The following TNNI3K variants were observed in gnomAD, a reference collection of about 807,000 sequenced individuals.
The protein encoded by TNNI3K is TNNI3 interacting kinase.
In TNNI3K, 140 loss-of-function variants were observed where a neutral mutation model predicts 114.5. That is an observed-to-expected ratio of 1.22 (90% confidence interval 1.07 to 1.41). TNNI3K has a LOEUF of 1.41. TNNI3K is among the 40% of genes most tolerant of loss of function. The pLI, the probability that TNNI3K is intolerant of heterozygous loss-of-function variation, is 0.00. For missense variants in TNNI3K, 1,125 were observed against 1,007.6 expected (o/e 1.12, Z -1.58); for synonymous variants, 347 against 347.5 (o/e 1.00, Z 0.02).
At chr1:74,316,914 T>C (rs972444600) in intron 5 of TNNI3K, among the ~76,000 whole-genome samples, 2 of 151,740 alleles carry the variant, frequency 1.3e-5, no homozygotes, top group Admixed American at 1.3e-4. Flanking sequence ...ATAGCCGGAA[T>C]TGTCTCGATC....
intron 5 of TNNI3K, among the ~76,000 whole-genome samples, chr1:74,298,911 G>A (rs1658153583): frequency 6.6e-6 from 1 of 152,006 alleles, no homozygotes; most frequent in Non-Finnish European, 1.5e-5. Flanking sequence ...GATACCAGTT[G>A]GCAGATTTAT....
At chr1:74,432,155 A>AT (rs769357192) in intron 17 of TNNI3K, among the ~76,000 whole-genome samples, 34 of 152,050 alleles carry the variant, frequency 2.2e-4, no homozygotes, top group Non-Finnish European at 7.4e-5. Flanking sequence ...TAAGTTAACC[A>AT]TTTTCCTTGA....
chr1:74,355,183 TA>T (rs1661586700), intron 11 of TNNI3K, among the ~76,000 whole-genome samples: 1 of 152,214 alleles, frequency 6.6e-6, no homozygotes, highest in Non-Finnish European at 1.5e-5. Flanking sequence ...TTTACAATAT[TA>T]AAAATGTGTA....
At chr1:74,377,038 A>G (rs1395622219) in intron 17 of TNNI3K, 1 of 152,054 alleles carries the variant, frequency 6.6e-6, no homozygotes, top group Non-Finnish European at 1.5e-5. Context: ...CAGAATCTCC[A>G]GTCTTGGGGC....
intron 21 of TNNI3K, among the ~76,000 whole-genome samples, chr1:74,486,951 A>G (rs1008402261): frequency 6.6e-6 from 1 of 152,186 alleles, no homozygotes; most frequent in Non-Finnish European, 1.5e-5. Context: ...GATCTTTGTA[A>G]CCTTGACAAG....
intron 23 of TNNI3K, among the ~76,000 whole-genome samples, chr1:74,495,223 C>G (rs893283060): frequency 1.3e-5 from 2 of 152,170 alleles, no homozygotes; most frequent in South Asian, 2.1e-4. Context: ...TTGCTGTGAG[C>G]GTGCATTCAA....
At chr1:74,367,167 G>C in intron 11 of TNNI3K, 89 bp from the exon 12 acceptor site, 1 of 1,277,956 alleles carries the variant, frequency 7.8e-7, no homozygotes, top group Non-Finnish European at 1.1e-6. Flanking sequence ...TATGTTGTAA[G>C]CTACTTCCAA....
At chr1:74,426,603 T>C (rs1028006909) in intron 17 of TNNI3K, among the ~76,000 whole-genome samples, 45 of 152,044 alleles carry the variant, frequency 3.0e-4, no homozygotes, top group Non-Finnish European at 2.9e-5. Flanking sequence ...GTATAGTTCT[T>C]CCTTTATTCT....
At chr1:74,460,872 T>C (rs1467611636) in intron 20 of TNNI3K, among the ~76,000 whole-genome samples, 1 of 152,206 alleles carries the variant, frequency 6.6e-6, no homozygotes, top group East Asian at 1.9e-4. Flanking sequence ...CTTAAACTGA[T>C]TTTCCAGACA....
At chr1:74,327,019 T>G (rs1231671274) in intron 5 of TNNI3K, among the ~76,000 whole-genome samples, 3 of 149,518 alleles carry the variant, frequency 2.0e-5, no homozygotes, top group Non-Finnish European at 4.4e-5. Context: ...AGGTGGAGGT[T>G]GCAGTGAGCC....
chr1:74,433,296 T>G (rs1352800290), intron 17 of TNNI3K, among the ~76,000 whole-genome samples: 1 of 152,094 alleles, frequency 6.6e-6, no homozygotes, highest in African/African-American at 2.4e-5. Flanking sequence ...TTAAAGGCTT[T>G]GACTCTGGGT....
intron 17 of TNNI3K, among the ~76,000 whole-genome samples, chr1:74,409,563 G>A (rs1460734094): frequency 2.1e-5 from 3 of 141,432 alleles, no homozygotes; most frequent in African/African-American, 7.9e-5. Flanking sequence ...GCACCATCTC[G>A]GCTCACTGCA....
intron 23 of TNNI3K, among the ~76,000 whole-genome samples, chr1:74,503,101 G>A (rs1351347639): frequency 6.6e-6 from 1 of 152,068 alleles, no homozygotes; most frequent in East Asian, 1.9e-4. Flanking sequence ...CACTGTGGTA[G>A]CCAAATGCAG....
At chr1:74,372,279 G>A (rs545928711) in intron 17 of TNNI3K, 70 of 151,834 alleles carry the variant, frequency 4.6e-4, no homozygotes, top group African/African-American at 1.5e-3. Context: ...AATGGAGATT[G>A]GAGAGATGAC....
intron 21 of TNNI3K, among the ~76,000 whole-genome samples, chr1:74,484,620 A>C (rs895510408): frequency 6.6e-6 from 1 of 152,190 alleles, no homozygotes; most frequent in Non-Finnish European, 1.5e-5. Flanking sequence ...AGGTGAAGGC[A>C]TTAGTGTGTC....
At chr1:74,456,020 G>A (rs986140944) in intron 20 of TNNI3K, among the ~76,000 whole-genome samples, 2 of 152,178 alleles carry the variant, frequency 1.3e-5, no homozygotes, top group Non-Finnish European at 2.9e-5. Flanking sequence ...TTTTAAAAAG[G>A]AATATAGAAC....
intron 17 of TNNI3K, among the ~76,000 whole-genome samples, chr1:74,393,980 C>T (rs1438297307): frequency 2.0e-5 from 3 of 152,168 alleles, no homozygotes; most frequent in African/African-American, 4.8e-5. Context: ...AGCCCAGTTT[C>T]TAACAGGCCA....
At chr1:74,494,276 T>C (rs985539195) in intron 23 of TNNI3K, among the ~76,000 whole-genome samples, 3 of 152,214 alleles carry the variant, frequency 2.0e-5, no homozygotes, top group Admixed American at 2.0e-4. Flanking sequence ...AGGGTTTCTA[T>C]ACAATCTACA....
chr1:74,239,027 A>G (rs963306874), intron 2 of TNNI3K, among the ~76,000 whole-genome samples: 2 of 152,170 alleles, frequency 1.3e-5, no homozygotes, highest in African/African-American at 4.8e-5. Flanking sequence ...TTTGAAAACT[A>G]TACTTCTAGA....
Sources: allele counts gnomAD v4.1 joint callset (sites outside exome capture counted in the v4.1 genomes callset), GRCh38; gene constraint gnomAD v4.1.1; transcripts MANE v1.5; gene names NCBI Gene and HGNC (gene_info 2026-07-23, HGNC 2026-07-21).